PAX5: variants seen among roughly 807,000 people sequenced by gnomAD.
PAX5 encodes the protein paired box protein Pax-5.
A neutral mutation model predicts 43.7 loss-of-function variants in PAX5; 9 were observed. That is an observed-to-expected ratio of 0.21 (90% CI 0.12 to 0.36). The LOEUF is 0.36. Ranked by LOEUF, PAX5 falls within the 10% of genes least tolerant of loss-of-function variation. The pLI, the probability that PAX5 is intolerant of heterozygous loss-of-function variation, is 1.00. For missense variants in PAX5, 383 were observed against 532.7 expected (o/e 0.72, Z 2.77); for synonymous variants, 228 against 214.3 (o/e 1.06, Z -0.56).
At chr9:36,988,011 C>T (rs927694594) in intron 5 of PAX5, among the ~76,000 whole-genome samples, 2 of 151,778 alleles carry the variant, frequency 1.3e-5, no homozygotes, top group African/African-American at 4.8e-5. Flanking sequence ...AGAAAGGAAA[C>T]GAAGAGCGAG....
chr9:36,837,203 C>T lies in PAX5; in HGVS notation c.*3357G>A, dbSNP rs1269047216. Reference sequence around the variant, plus strand: ...AGAATTCACTTCGCCTCTATGTTGCCGTGAGAGCCCCAAATGTCAATTTCC... The same window carrying T: ...AGAATTCACTTCGCCTCTATGTTGCTGTGAGAGCCCCAAATGTCAATTTCC... On this transcript the variant is annotated 3_prime_UTR_variant, in exon 10 of 10. Coordinates refer to ENST00000358127, the MANE Select transcript of PAX5 (RefSeq NM_016734.3). 3.0e-5 allele frequency: 7 copies of T among 232,924 alleles called. No homozygotes were observed. Among genetic ancestry groups the T allele is most frequent in the Non-Finnish European group, 2.5e-5 (3 of 117,958 alleles). The allele number at this position is 232,924 out of a possible 1,614,324, so 14.4% of individuals were successfully genotyped here. A position where few individuals can be genotyped will look rare whatever the true frequency, so the allele number is the denominator to read the frequency against.
At chr9:36,855,454 A>G (rs903636759) in intron 8 of PAX5, among the ~76,000 whole-genome samples, 2 of 152,138 alleles carry the variant, frequency 1.3e-5, no homozygotes, top group East Asian at 3.9e-4. Context: ...CTATTCCAAA[A>G]TTCTGTCCTG....
intron 7 of PAX5, among the ~76,000 whole-genome samples, chr9:36,915,151 T>G (rs1829632088): frequency 6.6e-6 from 1 of 152,246 alleles, no homozygotes; most frequent in Non-Finnish European, 1.5e-5. Context: ...TCTATGTGAA[T>G]ATACCTATGA....
Position 36,870,111 on chromosome 9 carries a change from GATAA to G in PAX5, c.1012+11889_1012+11892del, listed in dbSNP as rs369500499. Among the ~76,000 whole-genome samples, 14 of 14,184 alleles carry G rather than the reference GATAA, an allele frequency of 9.9e-4. 1 individual carries two copies. The highest frequency in any genetic ancestry group is 8.3e-3 in the East Asian group (3 of 360). The allele number at this position is 14,184 out of a possible 152,430, so 9.3% of individuals were successfully genotyped here. A position where few individuals can be genotyped will look rare whatever the true frequency, so the allele number is the denominator to read the frequency against. ...AAATGGATGGATGGATGGATGGATGGATAAATGGATGGATGGATGGATGGATGGA... is the reference window on the plus strand; with the variant it reads ...AAATGGATGGATGGATGGATGGATGGATGGATGGATGGATGGATGGATGGA... On this transcript the variant is annotated intron_variant, in intron 8 of 9. Transcript: ENST00000358127.
chr9:36,911,346 C>CA (rs34855631), intron 7 of PAX5, among the ~76,000 whole-genome samples: 90,620 of 150,794 alleles, frequency 0.6, 27,352 homozygotes, highest in East Asian at 0.78. Flanking sequence ...TTTTTGAGAT[C>CA]GGGGGGGTCT....
chr9:36,877,806 TC>T (rs941475074), intron 8 of PAX5, among the ~76,000 whole-genome samples: 4 of 152,164 alleles, frequency 2.6e-5, no homozygotes, highest in African/African-American at 9.7e-5. Context: ...TGAATGTGAC[TC>T]CCCGTGAAAG....
intron 6 of PAX5, among the ~76,000 whole-genome samples, chr9:36,960,090 G>A (rs990510513): frequency 6.6e-6 from 1 of 152,300 alleles, no homozygotes; most frequent in East Asian, 1.9e-4. Context: ...GAGACAAGTT[G>A]GTGCAGGCCG....
intron 5 of PAX5, among the ~76,000 whole-genome samples, chr9:36,973,135 A>AAAAGGAAAGGAAAGGAAAGGAAAGG (rs1197914196): frequency 4.0e-5 from 3 of 74,728 alleles, no homozygotes; most frequent in Admixed American, 1.3e-4. Flanking sequence ...GAAAGGAAAG[A>AAAAGGAAAGGAAAGGAAAGGAAAGG]AAAGGAAAGG....
At chr9:36,899,668 C>T (rs1828196205) in intron 7 of PAX5, among the ~76,000 whole-genome samples, 2 of 152,272 alleles carry the variant, frequency 1.3e-5, no homozygotes, top group South Asian at 4.1e-4. Context: ...CCCAGGACTA[C>T]AGGGTTGGGG....
intron 5 of PAX5, among the ~76,000 whole-genome samples, chr9:36,968,324 C>G (rs149863954): frequency 6.6e-6 from 1 of 152,378 alleles, no homozygotes; most frequent in Non-Finnish European, 1.5e-5. Context: ...GACCATGAAG[C>G]AGTGAGATGT....
chr9:36,953,019 G>C (rs890745715), intron 6 of PAX5, among the ~76,000 whole-genome samples: 33 of 152,074 alleles, frequency 2.2e-4, no homozygotes, highest in Admixed American at 1.8e-3. Flanking sequence ...ATTTCTTCTA[G>C]ACCAAGTCTG....
At chr9:36,957,398 T>C (rs1001394265) in intron 6 of PAX5, among the ~76,000 whole-genome samples, 15 of 152,198 alleles carry the variant, frequency 9.9e-5, no homozygotes, top group Admixed American at 9.2e-4. Flanking sequence ...TAGAAACGGT[T>C]GGGAAGGTAT....
chr9:37,024,439 G>T (rs759978830), intron 1 of PAX5, among the ~76,000 whole-genome samples: 2 of 152,164 alleles, frequency 1.3e-5, no homozygotes, highest in African/African-American at 2.4e-5. Flanking sequence ...GGAAGGTGAC[G>T]AAGTGGGACT....
intron 5 of PAX5, among the ~76,000 whole-genome samples, chr9:36,967,495 G>A (rs1420722859): frequency 6.6e-6 from 1 of 152,194 alleles, no homozygotes; most frequent in Non-Finnish European, 1.5e-5. Context: ...ATGGAAAACT[G>A]TGCAGCAGCT....
At chr9:36,900,997 A>G (rs1157592896) in intron 7 of PAX5, among the ~76,000 whole-genome samples, 1 of 151,920 alleles carries the variant, frequency 6.6e-6, no homozygotes, top group Non-Finnish European at 1.5e-5. Flanking sequence ...CCACCCCTCA[A>G]AATGTTTCCT....
intron 8 of PAX5, chr9:36,856,540 T>C (rs961782854): frequency 6.6e-6 from 1 of 151,728 alleles, no homozygotes; most frequent in Non-Finnish European, 1.5e-5. Flanking sequence ...TCTTTCTTTT[T>C]TCCTCTTTTT....
intron 7 of PAX5, among the ~76,000 whole-genome samples, chr9:36,920,825 T>A (rs13300513): frequency 1.5e-5 from 2 of 135,110 alleles, no homozygotes; most frequent in South Asian, 2.5e-4. Flanking sequence ...TTTTTTTTTT[T>A]TTTTTGAGAC....
chr9:36,947,228 A>G (rs1406570852), intron 6 of PAX5, among the ~76,000 whole-genome samples: 1 of 152,136 alleles, frequency 6.6e-6, no homozygotes, highest in African/African-American at 2.4e-5. Flanking sequence ...TCATACTCCA[A>G]CATCCAAAGT....
intron 7 of PAX5, among the ~76,000 whole-genome samples, chr9:36,903,234 T>A (rs1230110742): frequency 1.3e-5 from 2 of 152,174 alleles, no homozygotes. Context: ...AAAGTCTGTT[T>A]AAGAAAAGCA....
Sources: allele counts gnomAD v4.1 joint callset (sites outside exome capture counted in the v4.1 genomes callset), GRCh38; gene constraint gnomAD v4.1.1; transcripts MANE v1.5; gene names NCBI Gene and HGNC (gene_info 2026-07-23, HGNC 2026-07-21).